Variants in SUCLA2 observed in about 807,000 individuals in gnomAD.
The protein encoded by SUCLA2 is succinate--CoA ligase [ADP-forming] subunit beta, mitochondrial.
Under a neutral mutation model 54.8 loss-of-function variants are expected in SUCLA2, and 30 were observed. The observed-to-expected ratio is 0.55, with a 90% confidence interval of 0.41 to 0.74. The LOEUF (loss-of-function observed/expected upper bound fraction) is 0.74. Ranked by LOEUF, SUCLA2 falls within the 30% of genes least tolerant of loss-of-function variation. The pLI is 0.00. For synonymous variants in SUCLA2, 172 were observed against 188.9 expected, an observed-to-expected ratio of 0.91 and a Z score of 0.74; for missense variants, 476 against 562.9, an observed-to-expected ratio of 0.85 and a Z score of 1.56.
At position 47,960,808 on chromosome 13, in the gene SUCLA2, C is replaced by G. The variant is rs1593483605; in HGVS notation, c.803-6251G>C. 2.6e-5 allele frequency among the ~76,000 whole-genome samples: 4 copies of G among 152,192 alleles called. No individual in the cohort carries two copies. The Middle Eastern group carries it at 0.014, about 518-fold the overall frequency. ...AAACAGAATATGTGCAGGTGTCGCA[C>G]TGGTTTGAAGATGAACACTCATAAT... On this transcript the variant is annotated intron_variant, in intron 6 of 10. Transcript: ENST00000646932.
At chr13:47,975,392 C>T (rs1335020159) in intron 4 of SUCLA2, among the ~76,000 whole-genome samples, 1 of 151,888 alleles carries the variant, frequency 6.6e-6, no homozygotes, top group Non-Finnish European at 1.5e-5. Context: ...AACTCCTGAC[C>T]TTAGGTGATT....
chr13:47,955,535 A>T (rs1279422252), intron 6 of SUCLA2, among the ~76,000 whole-genome samples: 1 of 152,186 alleles, frequency 6.6e-6, no homozygotes, highest in Non-Finnish European at 1.5e-5. Context: ...TAAGCTAAGA[A>T]TGGATTTTAC....
chr13:47,989,740 T>C (rs952733588), intron 2 of SUCLA2, among the ~76,000 whole-genome samples: 1 of 152,128 alleles, frequency 6.6e-6, no homozygotes, highest in Non-Finnish European at 1.5e-5. Flanking sequence ...GAATATGTCA[T>C]GATTTGGGGG....
rs114659630 is a variant in SUCLA2 at position 47,949,861 on chromosome 13, C to T, written c.1108-258G>A. 0.028 allele frequency among the ~76,000 whole-genome samples: 4,302 copies of T among 152,286 alleles called. 95 individuals are homozygous for T. Among genetic ancestry groups the T allele is most frequent in the South Asian group, 0.081 (392 of 4,826 alleles). On this transcript the variant is annotated intron_variant, in intron 8 of 10. Transcript: ENST00000646932. ...TCTACTATATCCCATATGAACAAGACCATCTAATTCCATTTACTTTCTCTT... is the reference window on the plus strand; with the variant it reads ...TCTACTATATCCCATATGAACAAGATCATCTAATTCCATTTACTTTCTCTT...
Position 47,968,744 on chromosome 13 carries a change from T to C in SUCLA2, c.664-11A>G, listed in dbSNP as rs1949938584. 1 of 1,611,670 alleles carries C rather than the reference T, an allele frequency of 6.2e-7. No individual in the cohort carries two copies. The highest frequency in any genetic ancestry group is 8.5e-7 in the Non-Finnish European group (1 of 1,179,624). On this transcript the variant is annotated splice_polypyrimidine_tract_variant and intron_variant, in intron 5 of 10. Coordinates refer to ENST00000646932, the MANE Select transcript of SUCLA2 (RefSeq NM_003850.3). ...CATCTTCTGTGCAAGCTGAAATCAA[T>C]ATGTCTTTTTATTATAGGTAGTTTG...
At chr13:47,960,364 T>C (rs796638471) in intron 6 of SUCLA2, among the ~76,000 whole-genome samples, 4 of 152,268 alleles carry the variant, frequency 2.6e-5, no homozygotes, top group African/African-American at 9.6e-5. Flanking sequence ...TTGGTGGATT[T>C]TGCTTACCTC....
chr13:47,982,428 G>A (rs116157701), intron 4 of SUCLA2, among the ~76,000 whole-genome samples: 1 of 152,040 alleles, frequency 6.6e-6, no homozygotes, highest in Non-Finnish European at 1.5e-5. Flanking sequence ...AGGGAAGTGG[G>A]AGAGGGAAAA....
At chr13:48,001,026 A>G in intron 1 of SUCLA2, 154 bp downstream of exon 1, 1 of 1,480,770 alleles carries the variant, frequency 6.8e-7, no homozygotes, top group South Asian at 1.3e-5. Context: ...AGTCCTGGCG[A>G]GCAGCACTCC....
At chr13:47,974,039 T>C (rs1949989056) in intron 4 of SUCLA2, among the ~76,000 whole-genome samples, 1 of 152,018 alleles carries the variant, frequency 6.6e-6, no homozygotes, top group African/African-American at 2.4e-5. Context: ...TACAACTATG[T>C]AACAAACCTG....
At chr13:47,964,690 T>C (rs1327803796) in intron 6 of SUCLA2, among the ~76,000 whole-genome samples, 1 of 152,110 alleles carries the variant, frequency 6.6e-6, no homozygotes, top group African/African-American at 2.4e-5. Flanking sequence ...ACCCCGTCTC[T>C]ACTAAAAATA....
intron 5 of SUCLA2, among the ~76,000 whole-genome samples, chr13:47,970,120 A>G (rs1373332933): frequency 2.0e-5 from 3 of 151,930 alleles, no homozygotes; most frequent in Non-Finnish European, 4.4e-5. Flanking sequence ...AAAAAAAAAA[A>G]AAGCACTAAG....
At chr13:47,968,226 G>A (rs1034889691) in intron 6 of SUCLA2, among the ~76,000 whole-genome samples, 1 of 152,082 alleles carries the variant, frequency 6.6e-6, no homozygotes, top group African/African-American at 2.4e-5. Context: ...ACCACATTTG[G>A]CTATTGAGTA....
chr13:47,959,099 CA>C (rs1240193396), intron 6 of SUCLA2, among the ~76,000 whole-genome samples: 8 of 152,094 alleles, frequency 5.3e-5, no homozygotes, highest in African/African-American at 1.7e-4. Flanking sequence ...GTTTCACTAA[CA>C]TTTAAGGTTA....
intron 6 of SUCLA2, among the ~76,000 whole-genome samples, chr13:47,959,475 C>T (rs1247761397): frequency 3.2e-4 from 19 of 60,070 alleles, no homozygotes; most frequent in African/African-American, 7.7e-4. Context: ...GGAGGAGGGG[C>T]GGAGGAGGAG....
chr13:47,946,483 G>C (rs1338142427), intron 10 of SUCLA2, among the ~76,000 whole-genome samples: 4 of 151,442 alleles, frequency 2.6e-5, no homozygotes, highest in African/African-American at 9.7e-5. Context: ...AAGAAGTAAA[G>C]AGGGAAATAT....
At chr13:47,952,778 C>G (rs1269120940) in intron 8 of SUCLA2, among the ~76,000 whole-genome samples, 1 of 152,116 alleles carries the variant, frequency 6.6e-6, no homozygotes, top group Non-Finnish European at 1.5e-5. Flanking sequence ...GGGATCTTCA[C>G]AAATGTGGTC....
intron 4 of SUCLA2, among the ~76,000 whole-genome samples, chr13:47,987,180 A>C (rs1950110758): frequency 6.6e-6 from 1 of 152,146 alleles, no homozygotes; most frequent in South Asian, 2.1e-4. Flanking sequence ...GATGAACTCA[A>C]ATTTGATCCT....
At chr13:47,957,231 T>C (rs1378735653) in intron 6 of SUCLA2, among the ~76,000 whole-genome samples, 7 of 152,168 alleles carry the variant, frequency 4.6e-5, no homozygotes, top group Non-Finnish European at 7.4e-5. Flanking sequence ...GTCAGGGAGA[T>C]GGATTTGAGA....
intron 1 of SUCLA2, chr13:48,000,807 C>A: frequency 2.8e-6 from 3 of 1,055,754 alleles, no homozygotes; most frequent in Non-Finnish European, 3.5e-6. Context: ...GGCATTCCCC[C>A]CTGCCCAAAA....
Sources: gnomAD v4.1 joint callset for allele counts (sites outside exome capture counted in the v4.1 genomes callset) on GRCh38, gnomAD v4.1.1 for gene constraint, MANE v1.5 for transcripts, NCBI Gene and HGNC (gene_info 2026-07-23, HGNC 2026-07-21) for gene names.